The following ZNF529 variants were observed in gnomAD, a reference collection of about 807,000 sequenced individuals.
ZNF529 encodes zinc finger protein 529.
A neutral mutation model predicts 10.1 loss-of-function variants in ZNF529; 11 were observed. The ratio of observed to expected loss-of-function variants is 1.09; its 90% CI spans 0.69 to 1.81. ZNF529 has a LOEUF of 1.81. ZNF529 is among the 40% of genes most tolerant of loss of function. ZNF529 has a pLI of 0.00. For missense variants in ZNF529, 624 were observed against 666.8 expected (o/e 0.94, Z 0.71); for synonymous variants, 204 against 215.7 (o/e 0.95, Z 0.47).
At chr19:36,562,454 G>C (rs1046979834) in intron 2 of ZNF529, among the ~76,000 whole-genome samples, 2 of 151,872 alleles carry the variant, frequency 1.3e-5, no homozygotes, top group Admixed American at 1.3e-4. Context: ...TTTTGTACAT[G>C]AGAAAGACAT....
chr19:36,582,547 T>G (rs992180678), intron 2 of ZNF529: 3 of 151,542 alleles, frequency 2.0e-5, no homozygotes, highest in Non-Finnish European at 2.9e-5. Flanking sequence ...CTACTAAAAA[T>G]GCAAAAAATT....
chr19:36,604,441 G>A (rs2036984887), intron 1 of ZNF529, among the ~76,000 whole-genome samples: 1 of 152,182 alleles, frequency 6.6e-6, no homozygotes, highest in Non-Finnish European at 1.5e-5. Flanking sequence ...GTGGTTATAA[G>A]GTGAAATGAC....
chr19:36,582,316 A>T (rs1261938437), intron 2 of ZNF529: 2 of 152,202 alleles, frequency 1.3e-5, no homozygotes, highest in African/African-American at 2.4e-5. Flanking sequence ...TGTTACATGT[A>T]TACTTTGCCA....
intron 2 of ZNF529, among the ~76,000 whole-genome samples, chr19:36,568,474 CTTTT>C (rs565480524): frequency 1.5e-5 from 2 of 131,164 alleles, no homozygotes; most frequent in Non-Finnish European, 1.7e-5. Flanking sequence ...GATTTTCTTT[CTTTT>C]TTTTTTTTTT....
At chr19:36,578,176 T>C (rs1342180484), upstream of ZNF529, among the ~76,000 whole-genome samples, 1 of 148,942 alleles carries the variant, frequency 6.7e-6, no homozygotes, top group Non-Finnish European at 1.5e-5. Flanking sequence ...GCGATCCTCC[T>C]GCCTCAGCCT....
chr19:36,558,932 A>G (rs1196312633), intron 2 of ZNF529, among the ~76,000 whole-genome samples: 1 of 115,718 alleles, frequency 8.6e-6, no homozygotes, highest in East Asian at 2.1e-4. Context: ...ATTCAACTCA[A>G]TAGCAAAAAA....
chr19:36,588,164 G>C (rs905336899), intron 2 of ZNF529, among the ~76,000 whole-genome samples: 1 of 152,024 alleles, frequency 6.6e-6, no homozygotes, highest in African/African-American at 2.4e-5. Context: ...ATAAAATTGT[G>C]GTGAAGAATG....
chr19:36,550,432 G>C (rs1047791593), intron 4 of ZNF529, among the ~76,000 whole-genome samples: 2 of 152,140 alleles, frequency 1.3e-5, no homozygotes, highest in Non-Finnish European at 2.9e-5. Context: ...TGTAATCCCA[G>C]CTACTTGGGA....
chr19:36,587,613 C>A (rs2036610054), intron 2 of ZNF529, among the ~76,000 whole-genome samples: 3 of 152,178 alleles, frequency 2.0e-5, no homozygotes, highest in Admixed American at 6.5e-5. Context: ...ACCTAAACAT[C>A]CGTCAGCTGA....
Position 36,555,430 on chromosome 19 carries a change from A to T in ZNF529, c.109-634T>A, listed in dbSNP as rs1258837890. Among the ~76,000 whole-genome samples the T allele has an allele frequency of 3.5e-5, 3 of 85,892 alleles. 1 individual carries two copies. Among genetic ancestry groups the T allele is most frequent in the Non-Finnish European group, 6.8e-5 (3 of 43,964 alleles). 56.3% of individuals were successfully genotyped at this position (85,892 alleles called of 152,430 possible). A position where few individuals can be genotyped will look rare whatever the true frequency, so the allele number is the denominator to read the frequency against. On this transcript the variant is annotated intron_variant, in intron 3 of 4. Coordinates refer to ENST00000591340, the MANE Select transcript of ZNF529 (RefSeq NM_020951.5). The stretch of plus-strand genomic sequence containing the variant: ...TGCCTCAGCCTCCCCAGTAGCTGGG[A>T]CTACAGGCGCCCGCCACCGCGCCCG...
chr19:36,565,555 G>C (rs1420694972), intron 2 of ZNF529, among the ~76,000 whole-genome samples: 1 of 152,112 alleles, frequency 6.6e-6, no homozygotes. Context: ...ACAAAAATTA[G>C]CTGGGAATGG....
At chr19:36,578,407 G>A (rs376683660) in intron 2 of ZNF529, among the ~76,000 whole-genome samples, 28 of 136,968 alleles carry the variant, frequency 2.0e-4, no homozygotes, top group Non-Finnish European at 3.5e-4. Flanking sequence ...CCGGGTTCAC[G>A]CTATTCTCCT....
At chr19:36,605,117 T>A (rs2037002510) in intron 1 of ZNF529, 1 of 152,322 alleles carries the variant, frequency 6.6e-6, no homozygotes, top group Non-Finnish European at 1.5e-5. Flanking sequence ...CCGGGTCACC[T>A]CAACTCACCA....
At chr19:36,589,494 G>C (rs989864101) in intron 2 of ZNF529, 1 of 152,158 alleles carries the variant, frequency 6.6e-6, no homozygotes, top group Non-Finnish European at 1.5e-5. Context: ...TTTCATGTGA[G>C]AGCAGAGGAA....
chr19:36,570,195 T>C (rs1455690535), intron 2 of ZNF529, among the ~76,000 whole-genome samples: 1 of 151,472 alleles, frequency 6.6e-6, no homozygotes, highest in Admixed American at 6.6e-5. Context: ...ACCCCATCTA[T>C]ACAAATAATA....
At chr19:36,600,611 G>A (rs1600376720) in intron 1 of ZNF529, among the ~76,000 whole-genome samples, 2 of 152,108 alleles carry the variant, frequency 1.3e-5, no homozygotes, top group Non-Finnish European at 2.9e-5. Flanking sequence ...ATTTCCAGGT[G>A]TTATAGATCA....
At chr19:36,574,536 G>A (rs2036265763), upstream of ZNF529, among the ~76,000 whole-genome samples, 1 of 152,008 alleles carries the variant, frequency 6.6e-6, no homozygotes. Context: ...CATTCAAGAT[G>A]GTCTGGGTGT....
chr19:36,549,555 T>C lies in ZNF529; in HGVS notation c.236-1233A>G, dbSNP rs184272671. Among the ~76,000 whole-genome samples, 1,092 of 152,362 alleles carry C rather than the reference T, an allele frequency of 7.2e-3. 4 individuals carry two copies. The highest frequency in any genetic ancestry group is 0.02 in the Middle Eastern group (6 of 294). On this transcript the variant is annotated intron_variant, in intron 4 of 4. Coordinates refer to ENST00000591340, the MANE Select transcript of ZNF529 (RefSeq NM_020951.5). ...CATTGTATTAGTGATTACATATGTA[T>C]ATTTATAATACAGTAAGATACATAA...
Position 36,549,463 on chromosome 19 carries a change from C to T in ZNF529, c.236-1141G>A, listed in dbSNP as rs1481901756. On this transcript the variant is annotated intron_variant, in intron 4 of 4. Coordinates refer to ENST00000591340, the MANE Select transcript of ZNF529 (RefSeq NM_020951.5). Reference sequence around the variant, plus strand: ...TATACAAAGATAAGTCACTAGAAAACAATAATTATCAAAATAATTATGTAA... The same window carrying T: ...TATACAAAGATAAGTCACTAGAAAATAATAATTATCAAAATAATTATGTAA... Among the ~76,000 whole-genome samples the T allele has an allele frequency of 4.6e-5, 7 of 152,122 alleles. No individual in the cohort carries two copies. The East Asian group carries it at 1.4e-3, about 29-fold the overall frequency.
Sources: allele counts gnomAD v4.1 joint callset (sites outside exome capture counted in the v4.1 genomes callset), GRCh38; gene constraint gnomAD v4.1.1; transcripts MANE v1.5; gene names NCBI Gene and HGNC (gene_info 2026-07-23, HGNC 2026-07-21).